The following TENM4 variants were observed in gnomAD, a reference collection of about 807,000 sequenced individuals.
TENM4 encodes the protein teneurin-4.
Under a neutral mutation model 243.3 loss-of-function variants are expected in TENM4, and 82 were observed. The observed-to-expected ratio is 0.34, with a 90% CI of 0.28 to 0.40. The LOEUF is 0.40. Ranked by LOEUF, TENM4 falls within the 10% of genes least tolerant of loss-of-function variation. The pLI is 1.00. For missense variants in TENM4, 3,138 were observed against 3,673.3 expected, an observed-to-expected ratio of 0.85 and a Z score of 3.77; for synonymous variants, 1,412 against 1,456.3, an observed-to-expected ratio of 0.97 and a Z score of 0.69.
At chr11:78,933,327 G>A (rs146347648) in intron 6 of TENM4, among the ~76,000 whole-genome samples, 37 of 152,234 alleles carry the variant, frequency 2.4e-4, no homozygotes, top group Middle Eastern at 3.4e-3. Context: ...CTCAGGAAAC[G>A]GCAGCAATAA....
intron 18 of TENM4, among the ~76,000 whole-genome samples, chr11:78,768,058 C>T (rs1395078140): frequency 6.6e-6 from 1 of 152,208 alleles, no homozygotes; most frequent in Non-Finnish European, 1.5e-5. Flanking sequence ...ACTAAAACTG[C>T]CCCCGTTTGG....
chr11:79,150,599 G>A (rs959260902), intron 3 of TENM4, among the ~76,000 whole-genome samples: 2 of 152,104 alleles, frequency 1.3e-5, no homozygotes, highest in African/African-American at 2.4e-5. Context: ...TAAGATCATA[G>A]GGATGTTGTC....
chr11:78,894,218 C>G (rs1445386971), intron 7 of TENM4, among the ~76,000 whole-genome samples: 1 of 152,122 alleles, frequency 6.6e-6, no homozygotes, highest in East Asian at 1.9e-4. Context: ...TGAGCAGGTC[C>G]AAGGAAGAAC....
At chr11:79,053,020 A>G (rs1191332213) in intron 6 of TENM4, among the ~76,000 whole-genome samples, 1 of 152,234 alleles carries the variant, frequency 6.6e-6, no homozygotes, top group African/African-American at 2.4e-5. Flanking sequence ...TAAATAAAGC[A>G]TCAGCTTTTA....
chr11:79,070,948 C>T (rs1860398780), intron 4 of TENM4, among the ~76,000 whole-genome samples: 1 of 152,224 alleles, frequency 6.6e-6, no homozygotes, highest in African/African-American at 2.4e-5. Context: ...TGCCCATCTC[C>T]TCAGTGCCAC....
chr11:78,896,436 C>A (rs1052044817), intron 7 of TENM4, among the ~76,000 whole-genome samples: 1 of 152,152 alleles, frequency 6.6e-6, no homozygotes, highest in African/African-American at 2.4e-5. Context: ...ATAATGGCAC[C>A]TTCTGATTTA....
intron 19 of TENM4, among the ~76,000 whole-genome samples, chr11:78,746,280 C>G (rs540061537): frequency 1.2e-4 from 18 of 152,368 alleles, no homozygotes; most frequent in African/African-American, 4.1e-4. Flanking sequence ...TGCCGTGACA[C>G]CACCTGGGGC....
At chr11:78,943,993 G>C (rs1460393246) in intron 6 of TENM4, among the ~76,000 whole-genome samples, 1 of 152,154 alleles carries the variant, frequency 6.6e-6, no homozygotes, top group Non-Finnish European at 1.5e-5. Flanking sequence ...CCCCACCTTG[G>C]GAGCACTCAT....
intron 4 of TENM4, among the ~76,000 whole-genome samples, chr11:79,081,534 GGTGTGTGTGTGTGT>G (rs56237099): frequency 6.7e-6 from 1 of 148,176 alleles, no homozygotes; most frequent in African/African-American, 2.5e-5. Context: ...TGTCAGAGGT[GGTGTGTGTGTGTGT>G]GTGTGTGTGT....
At chr11:79,411,287 A>T (rs969334141) in intron 1 of TENM4, among the ~76,000 whole-genome samples, 19 of 152,214 alleles carry the variant, frequency 1.2e-4, no homozygotes, top group African/African-American at 4.6e-4. Context: ...TGAGATGTGT[A>T]GCAATATAAA....
rs747608389 is a variant in TENM4 at position 78,748,661 on chromosome 11, C to T, written c.2756+8144G>A. Among the ~76,000 whole-genome samples the T allele has an allele frequency of 2.3e-4, 35 of 152,124 alleles. 1 individual carries two copies. Among genetic ancestry groups the T allele is most frequent in the Non-Finnish European group, 5.9e-5 (4 of 68,018 alleles). ...GCTATTACAAGCCCTATGACCATGG[C>T]CCAGATTACTTAAATTCTCAGTAGC... On this transcript the variant is annotated intron_variant, in intron 19 of 33. Coordinates refer to ENST00000278550, the MANE Select transcript of TENM4 (RefSeq NM_001098816.3).
In TENM4 at chr11:78,720,641, G is replaced by A. The variant is rs574713064; in HGVS notation, c.3801-251C>T. 2.6e-5 allele frequency among the ~76,000 whole-genome samples: 4 copies of A among 152,354 alleles called. No homozygotes were observed. In the South Asian group the frequency reaches 8.3e-4, roughly 32 times the overall value. Reference sequence around the variant, plus strand: ...TGCACCACTACTGCTGACTTTGGGGGAAGAGGACTAGGTTGACACATTCTG... The same window carrying A: ...TGCACCACTACTGCTGACTTTGGGGAAAGAGGACTAGGTTGACACATTCTG... On this transcript the variant is annotated intron_variant, in intron 24 of 33. Transcript: ENST00000278550.
chr11:78,895,626 G>C (rs895439580), intron 7 of TENM4, among the ~76,000 whole-genome samples: 156 of 152,222 alleles, frequency 1.0e-3, no homozygotes, highest in African/African-American at 3.5e-3. Flanking sequence ...TTCTTGATGG[G>C]GACCCTAAGC....
At chr11:79,303,135 T>TCTTCAAGACTCTG (rs1431550785) in intron 1 of TENM4, among the ~76,000 whole-genome samples, 2 of 152,212 alleles carry the variant, frequency 1.3e-5, no homozygotes, top group South Asian at 2.1e-4. Flanking sequence ...AAGCCTCCTC[T>TCTTCAAGACTCTG]CTTCAAGATT....
intron 3 of TENM4, among the ~76,000 whole-genome samples, chr11:79,214,977 A>G (rs570713853): frequency 1.3e-5 from 2 of 152,262 alleles, no homozygotes; most frequent in Non-Finnish European, 2.9e-5. Flanking sequence ...TTACTGCAGC[A>G]TAACTAAGCC....
chr11:79,399,489 T>TG (rs1488661923), intron 1 of TENM4, among the ~76,000 whole-genome samples: 2 of 152,168 alleles, frequency 1.3e-5, no homozygotes, highest in African/African-American at 2.4e-5. Flanking sequence ...AAACTGATTG[T>TG]TTGGAATTTG....
intron 4 of TENM4, chr11:79,097,143 T>C (rs182555187): frequency 6.6e-6 from 1 of 152,284 alleles, no homozygotes; most frequent in East Asian, 1.9e-4. Context: ...TGGGCTGCCT[T>C]TCACAGAACA....
chr11:78,779,770 G>A (rs569283211), intron 16 of TENM4, among the ~76,000 whole-genome samples: 2 of 152,298 alleles, frequency 1.3e-5, no homozygotes, highest in Admixed American at 1.3e-4. Context: ...TGAATCAAAA[G>A]TCCATCAGAC....
chr11:78,986,357 T>C lies in TENM4; in HGVS notation c.493+78381A>G, dbSNP rs530383549. Among the ~76,000 whole-genome samples, 326 of 152,332 alleles carry C rather than the reference T, an allele frequency of 2.1e-3. 2 individuals are homozygous for C. The highest frequency in any genetic ancestry group is 3.7e-3 in the Non-Finnish European group (255 of 68,034). ...TATATCTTATTTTCATAAAATCTTT[T>C]CCCCTTCTGTGGTTTTCAGTACAAT... On this transcript the variant is annotated intron_variant, in intron 6 of 33. Transcript: ENST00000278550.
Sources: gnomAD v4.1 joint callset for allele counts (sites outside exome capture counted in the v4.1 genomes callset) on GRCh38, gnomAD v4.1.1 for gene constraint, MANE v1.5 for transcripts, NCBI Gene and HGNC (gene_info 2026-07-23, HGNC 2026-07-21) for gene names.